Variants in ZFHX3 observed in about 807,000 individuals in gnomAD.
ZFHX3 encodes the protein zinc finger homeobox 3.
Under a neutral mutation model 279.1 loss-of-function variants are expected in ZFHX3, and 42 were observed. That is an observed-to-expected ratio of 0.15 (90% CI 0.12 to 0.19). The LOEUF is 0.19. ZFHX3 is among the 10% of genes least tolerant of loss of function. The probability of loss-of-function intolerance (pLI) is 1.00; values close to 1 mark genes in which losing one functional copy is unlikely to be tolerated. For missense variants in ZFHX3, 4,981 were observed against 4,754.0 expected (o/e 1.05, Z -1.40); for synonymous variants, 2,293 against 1,957.8 (o/e 1.17, Z -4.52).
chr16:73,031,248 T>A (rs991485521), intron 1 of ZFHX3, among the ~76,000 whole-genome samples: 2 of 151,998 alleles, frequency 1.3e-5, no homozygotes, highest in African/African-American at 2.4e-5. Context: ...TTTTGAAATA[T>A]CCCAGGTAGC....
At chr16:72,836,269 G>C (rs930281200) in intron 4 of ZFHX3, among the ~76,000 whole-genome samples, 3 of 152,190 alleles carry the variant, frequency 2.0e-5, no homozygotes, top group Non-Finnish European at 4.4e-5. Context: ...AGTCCTGCCA[G>C]TGACTCTCCA....
At chr16:73,833,900 G>T (rs1961067911) in intron 1 of ZFHX3, among the ~76,000 whole-genome samples, 1 of 151,454 alleles carries the variant, frequency 6.6e-6, no homozygotes, top group Non-Finnish European at 1.5e-5. Context: ...ATATGTATGT[G>T]TATGTGTGTA....
In ZFHX3 at chr16:72,996,107, A is replaced by AACAC. The variant is rs10550323; in HGVS notation, c.-49-35917_-49-35914dup. ...ACACAGTAAAACCCTGTCTCTACTA[A>AACAC]ACACACACACACACACACACACACA... is the stretch of plus-strand genomic sequence containing the variant. On this transcript the variant is annotated intron_variant, in intron 1 of 9. Transcript: ENST00000268489. Among the ~76,000 whole-genome samples the AACAC allele has an allele frequency of 2.0e-3, 300 of 147,080 alleles. 3 individuals carry two copies. The highest frequency in any genetic ancestry group is 5.7e-3 in the African/African-American group (228 of 39,850).
At chr16:73,073,779 A>G (rs756362941) in intron 8 of ZFHX3, among the ~76,000 whole-genome samples, 9 of 152,186 alleles carry the variant, frequency 5.9e-5, no homozygotes, top group Non-Finnish European at 8.8e-5. Flanking sequence ...GATTACAGGC[A>G]TGAGCCACCA....
intron 1 of ZFHX3, among the ~76,000 whole-genome samples, chr16:73,761,013 G>T (rs1229246285): frequency 6.7e-6 from 1 of 149,150 alleles, no homozygotes; most frequent in Non-Finnish European, 1.5e-5. Flanking sequence ...AAAAAAAAGG[G>T]TATTAAAAGA....
chr16:73,808,816 G>A (rs1291464697), intron 1 of ZFHX3, among the ~76,000 whole-genome samples: 2 of 152,156 alleles, frequency 1.3e-5, no homozygotes, highest in Admixed American at 6.5e-5. Flanking sequence ...AGTATGCAGA[G>A]TATATAACCT....
At position 72,785,898 on chromosome 16, in the gene ZFHX3, C is replaced by T. The variant is rs992772218; in HGVS notation, c.*1266G>A. The T allele has an allele frequency of 1.3e-5, 2 of 152,100 alleles. No individual in the cohort carries two copies. The highest frequency in any genetic ancestry group is 2.9e-5 in the Non-Finnish European group (2 of 68,004). The allele number at this position is 152,100 out of a possible 1,614,324, so 9.4% of individuals were successfully genotyped here. On this transcript the variant is annotated 3_prime_UTR_variant, in exon 10 of 10. Coordinates refer to ENST00000268489, the MANE Select transcript of ZFHX3 (RefSeq NM_006885.4). ...GACACAGGTAACTAGAATTATATGC[C>T]TTTAAAAAGTTTCAACTCCCCAACC...
chr16:73,825,820 T>G (rs868353397), intron 1 of ZFHX3, among the ~76,000 whole-genome samples: 27 of 80,078 alleles, frequency 3.4e-4, no homozygotes, highest in African/African-American at 1.5e-3. Flanking sequence ...TAGTATAGTT[T>G]GAAGTCAGGT....
chr16:73,204,156 G>A (rs2011709027), intron 5 of ZFHX3, among the ~76,000 whole-genome samples: 1 of 151,942 alleles, frequency 6.6e-6, no homozygotes, highest in Non-Finnish European at 1.5e-5. Context: ...TCAGGGACTG[G>A]TTTCATGAAA....
intron 1 of ZFHX3, among the ~76,000 whole-genome samples, chr16:73,754,125 G>A (rs1386709727): frequency 6.6e-6 from 1 of 151,866 alleles, no homozygotes; most frequent in Admixed American, 6.6e-5. Context: ...AGACAGCTAG[G>A]AACACAGTAG....
intron 3 of ZFHX3, among the ~76,000 whole-genome samples, chr16:73,414,026 A>C (rs1423372792): frequency 6.6e-6 from 1 of 152,258 alleles, no homozygotes; most frequent in Non-Finnish European, 1.5e-5. Context: ...GCAGTTAAAA[A>C]CAAAAGTAAA....
chr16:73,022,603 G>A (rs915028207), intron 1 of ZFHX3, among the ~76,000 whole-genome samples: 4 of 152,122 alleles, frequency 2.6e-5, no homozygotes, highest in African/African-American at 9.7e-5. Context: ...ATCTTGGGGG[G>A]AGGAAGCAAA....
At chr16:73,229,531 T>G (rs897523040) in intron 5 of ZFHX3, among the ~76,000 whole-genome samples, 4 of 152,162 alleles carry the variant, frequency 2.6e-5, no homozygotes, top group African/African-American at 9.7e-5. Context: ...GTAATCTCAA[T>G]TAAGGTCTGC....
rs149378462 is a variant in ZFHX3, at chr16:72,797,877, T to C, written c.4805A>G (p.Asn1602Ser). 397 of 1,614,042 alleles carry C rather than the reference T, an allele frequency of 2.5e-4. 1 individual carries two copies. Among genetic ancestry groups the C allele is most frequent in the Non-Finnish European group, 3.1e-4 (368 of 1,180,044 alleles). ...AGTGGAACTCTGGCTGTAGGCCACA[T>C]TACAAGTGTTACACTTAAAAGGTTT... ...DNKPFKCNTC[N>S]VAYSQSSTLE... Residue 1602 changes from asparagine (N) to serine (S), a missense_variant, in exon 9 of 10, where the codon AAT becomes AGT. Around this residue, in one of 7 missense-constraint regions of ZFHX3, gnomAD observed 1,751 missense variants for 1,770.0 expected, o/e 0.99. Coordinates refer to ENST00000268489, the MANE Select transcript of ZFHX3 (RefSeq NM_006885.4).
At chr16:73,429,941 G>A (rs929086727) in intron 3 of ZFHX3, among the ~76,000 whole-genome samples, 49 of 152,248 alleles carry the variant, frequency 3.2e-4, no homozygotes, top group African/African-American at 8.4e-4. Flanking sequence ...AGGCTGGAGC[G>A]CAGTAGTGTG....
chr16:72,812,921 A>G (rs994704818), intron 5 of ZFHX3, among the ~76,000 whole-genome samples: 1 of 152,172 alleles, frequency 6.6e-6, no homozygotes, highest in Non-Finnish European at 1.5e-5. Context: ...TTTAACCCCA[A>G]TCAGTAGGCA....
At position 73,298,431 on chromosome 16, in the gene ZFHX3, A is replaced by G. The variant is rs2014974504; in HGVS notation, c.-1194+19809T>C. ...ACTCCCGACCTCAGGTGCTCCGCCT[A>G]CCTCAGCCTCCCAAAGTACTGGGAT... On this transcript the variant is annotated intron_variant, in intron 4 of 17. Coordinates refer to the ZFHX3 transcript ENST00000641206. Among the ~76,000 whole-genome samples the G allele has an allele frequency of 3.3e-5, 5 of 150,376 alleles. No homozygotes were observed. In the South Asian group the frequency reaches 1.1e-3, roughly 32 times the overall value.
intron 7 of ZFHX3, among the ~76,000 whole-genome samples, chr16:73,116,120 C>CA (rs1229813862): frequency 0.023 from 3,047 of 132,502 alleles, 101 homozygotes; most frequent in African/African-American, 0.073. Context: ...AACTCTGTCT[C>CA]AAAAAAAAAA....
At chr16:73,230,397 C>T (rs906392363) in intron 5 of ZFHX3, among the ~76,000 whole-genome samples, 2 of 152,054 alleles carry the variant, frequency 1.3e-5, no homozygotes, top group Non-Finnish European at 1.5e-5. Flanking sequence ...TAGTCAGTCT[C>T]GAAGAGCCCT....
Sources: gnomAD v4.1 joint callset for allele counts (sites outside exome capture counted in the v4.1 genomes callset) on GRCh38, gnomAD v4.1.1 for gene constraint, gnomAD v4.1.1 regional missense constraint, MANE v1.5 for transcripts, NCBI Gene and HGNC (gene_info 2026-07-23, HGNC 2026-07-21) for gene names.